Variants in DGKB observed in about 807,000 individuals in gnomAD.
DGKB encodes diacylglycerol kinase beta.
DGKB carries 67 observed loss-of-function variants against 114.3 expected under a neutral mutation model. The observed-to-expected ratio is 0.59, with a 90% confidence interval of 0.48 to 0.72. The LOEUF (loss-of-function observed/expected upper bound fraction) is 0.72. Ranked by LOEUF, DGKB falls within the 30% of genes least tolerant of loss-of-function variation. The probability of loss-of-function intolerance (pLI) is 0.00; values close to 1 mark genes in which losing one functional copy is unlikely to be tolerated. For missense variants in DGKB, 907 were observed against 975.2 expected (o/e 0.93, Z 0.93); for synonymous variants, 398 against 323.1 (o/e 1.23, Z -2.49).
intron 1 of DGKB, among the ~76,000 whole-genome samples, chr7:14,852,218 A>G (rs1258643851): frequency 6.6e-6 from 1 of 152,044 alleles, no homozygotes; most frequent in Non-Finnish European, 1.5e-5. Flanking sequence ...GTGTATGTTT[A>G]ACTCTTAATT....
chr7:14,769,532 A>C (rs955053954), intron 2 of DGKB, among the ~76,000 whole-genome samples: 6 of 152,038 alleles, frequency 3.9e-5, no homozygotes, highest in Non-Finnish European at 8.8e-5. Flanking sequence ...GTAATGAAAA[A>C]AAAAACTGCC....
chr7:14,263,630 ATTCT>A (rs1797085209), intron 23 of DGKB, among the ~76,000 whole-genome samples: 1 of 152,194 alleles, frequency 6.6e-6, no homozygotes, highest in Non-Finnish European at 1.5e-5. Flanking sequence ...GAAGAGCAAC[ATTCT>A]TTCTTGCTCT....
At chr7:14,823,477 T>G (rs979235123) in intron 2 of DGKB, among the ~76,000 whole-genome samples, 1 of 152,054 alleles carries the variant, frequency 6.6e-6, no homozygotes, top group African/African-American at 2.4e-5. Flanking sequence ...AATTTCAGAT[T>G]TTTTTTGCTA....
chr7:14,236,431 T>C (rs1343508338), intron 23 of DGKB, among the ~76,000 whole-genome samples: 2 of 151,794 alleles, frequency 1.3e-5, no homozygotes, highest in Non-Finnish European at 2.9e-5. Context: ...TATTGTCTTC[T>C]AGAACATAAA....
chr7:14,618,662 C>G (rs1807018707), intron 15 of DGKB, among the ~76,000 whole-genome samples: 2 of 151,448 alleles, frequency 1.3e-5, no homozygotes, highest in South Asian at 4.1e-4. Context: ...TTTGAAGTCC[C>G]CTAGGACTTG....
rs757853977 is a variant in DGKB, at chr7:14,338,552, G to A, written c.2085C>T (p.Thr695=). ...ACTTCAACTCTTTGGCATCTGTGACGGTGGTCCTTTTGTCAGACCCTTTTT... is the reference window on the plus strand; with the variant it reads ...ACTTCAACTCTTTGGCATCTGTGACAGTGGTCCTTTTGTCAGACCCTTTTT... The part of the protein sequence containing the change: ...IEKKGSDKRT[T]VTDAKELKFA... Residue 695 remains threonine (T), a synonymous_variant, in exon 23 of 26, where the codon ACC becomes ACT. Coordinates refer to ENST00000402815, the MANE Select transcript of DGKB (RefSeq NM_001350709.2). The A allele has an allele frequency of 2.4e-5, 38 of 1,593,544 alleles. No individual in the cohort carries two copies. The highest frequency in any genetic ancestry group is 2.9e-5 in the Non-Finnish European group (34 of 1,170,978).
At chr7:14,535,015 T>A (rs1356816163) in intron 20 of DGKB, among the ~76,000 whole-genome samples, 1 of 151,988 alleles carries the variant, frequency 6.6e-6, no homozygotes, top group African/African-American at 2.4e-5. Flanking sequence ...ATATCAAAGC[T>A]TATGGGATAC....
At chr7:14,856,279 C>T (rs1317473308) in intron 1 of DGKB, among the ~76,000 whole-genome samples, 2 of 152,024 alleles carry the variant, frequency 1.3e-5, no homozygotes, top group African/African-American at 4.8e-5. Context: ...ACAGAAAACA[C>T]AAAGATCCTG....
At position 14,314,329 on chromosome 7, in the gene DGKB, A is replaced by G. The variant is rs568418572; in HGVS notation, c.2122+24186T>C. On this transcript the variant is annotated intron_variant, in intron 23 of 25. Coordinates refer to ENST00000402815, the MANE Select transcript of DGKB (RefSeq NM_001350709.2). ...GAAGAAGGCTTCAGATGATCAAATTACTCTGAGCTACGGGAGGACATTCAA... is the reference window on the plus strand; with the variant it reads ...GAAGAAGGCTTCAGATGATCAAATTGCTCTGAGCTACGGGAGGACATTCAA... 1.1e-3 allele frequency among the ~76,000 whole-genome samples: 163 copies of G among 152,014 alleles called. 1 individual carries two copies. The highest frequency in any genetic ancestry group is 6.8e-3 in the Middle Eastern group (2 of 294).
chr7:14,453,498 T>G (rs1485612612), intron 21 of DGKB, among the ~76,000 whole-genome samples: 1 of 152,114 alleles, frequency 6.6e-6, no homozygotes, highest in Non-Finnish European at 1.5e-5. Flanking sequence ...AGGCTCAAAA[T>G]TCCCATGCTA....
chr7:14,857,134 A>G (rs1290087683), intron 1 of DGKB, among the ~76,000 whole-genome samples: 2 of 152,180 alleles, frequency 1.3e-5, no homozygotes, highest in South Asian at 4.1e-4. Flanking sequence ...AACTCCATCT[A>G]GTAGATGAAT....
chr7:14,812,248 A>G (rs755108773), intron 2 of DGKB, among the ~76,000 whole-genome samples: 1 of 152,182 alleles, frequency 6.6e-6, no homozygotes, highest in Non-Finnish European at 1.5e-5. Flanking sequence ...TGCTTTGAAC[A>G]TAATTTCCAA....
At chr7:14,662,377 AT>A (rs1284584320) in intron 13 of DGKB, among the ~76,000 whole-genome samples, 1 of 151,948 alleles carries the variant, frequency 6.6e-6, no homozygotes, top group African/African-American at 2.4e-5. Flanking sequence ...TTTAATCATT[AT>A]TTTCTTCATT....
At chr7:14,435,026 A>C (rs911279099) in intron 21 of DGKB, among the ~76,000 whole-genome samples, 7 of 152,098 alleles carry the variant, frequency 4.6e-5, no homozygotes, top group Non-Finnish European at 8.8e-5. Context: ...ATTTCCCATC[A>C]CATTGAGAAA....
chr7:14,973,233 C>T (rs115261647), intron 1 of DGKB, among the ~76,000 whole-genome samples: 20,741 of 151,824 alleles, frequency 0.14, 1,576 homozygotes, highest in Admixed American at 0.18. Context: ...TATCTCTATG[C>T]TTACCTCTAT....
At chr7:14,916,133 T>A (rs571541322) in intron 1 of DGKB, among the ~76,000 whole-genome samples, 108 of 151,952 alleles carry the variant, frequency 7.1e-4, no homozygotes, top group Non-Finnish European at 1.3e-3. Flanking sequence ...TACTGAAAAA[T>A]GAACACAGAT....
intron 1 of DGKB, among the ~76,000 whole-genome samples, chr7:14,915,810 T>C (rs956444123): frequency 6.6e-6 from 1 of 152,152 alleles, no homozygotes; most frequent in Admixed American, 6.6e-5. Flanking sequence ...TTGTTACCTG[T>C]AATACTGTCT....
At chr7:14,301,233 A>G (rs151222127) in intron 23 of DGKB, among the ~76,000 whole-genome samples, 99 of 152,252 alleles carry the variant, frequency 6.5e-4, no homozygotes, top group African/African-American at 2.1e-3. Context: ...ATGTTAAACA[A>G]TAACACCAAA....
chr7:14,245,164 A>T (rs1470157327), intron 23 of DGKB, among the ~76,000 whole-genome samples: 1 of 151,042 alleles, frequency 6.6e-6, no homozygotes, highest in Non-Finnish European at 1.5e-5. Context: ...GCATATGTAC[A>T]CATACACACA....
Sources: allele counts gnomAD v4.1 joint callset (sites outside exome capture counted in the v4.1 genomes callset), GRCh38; gene constraint gnomAD v4.1.1; transcripts MANE v1.5; gene names NCBI Gene and HGNC (gene_info 2026-07-23, HGNC 2026-07-21).